ZBTB20: variants seen among roughly 807,000 people sequenced by gnomAD.
ZBTB20 encodes the protein zinc finger and BTB domain-containing protein 20.
In ZBTB20, 9 loss-of-function variants were observed where a neutral mutation model predicts 56.9. The observed-to-expected ratio is 0.16, with a 90% confidence interval of 0.10 to 0.28. The LOEUF is 0.28. Among genes scored for constraint, ZBTB20 ranks in the 10% least tolerant of loss-of-function variants. ZBTB20 has a pLI of 1.00. For missense variants in ZBTB20, 655 were observed against 1,003.0 expected, an observed-to-expected ratio of 0.65 and a Z score of 4.69; for synonymous variants, 417 against 420.7, an observed-to-expected ratio of 0.99 and a Z score of 0.11.
Position 114,353,496 on chromosome 3 carries a change from T to C in ZBTB20, c.200-1618A>G, listed in dbSNP as rs149671532. ...CGTTCTGACTCTATCAGGTCTGTTA[T>C]GTGCCTAAAATATTGTATTAGGCTA... On this transcript the variant is annotated intron_variant, in intron 10 of 11. Coordinates refer to ENST00000675478, the MANE Select transcript of ZBTB20 (RefSeq NM_001348800.3). Among the ~76,000 whole-genome samples the C allele has an allele frequency of 9.8e-4, 150 of 152,390 alleles. 1 individual carries two copies. Among genetic ancestry groups the C allele is most frequent in the East Asian group, 1.9e-3 (10 of 5,188 alleles).
At chr3:114,546,352 A>T (rs12495335) in intron 6 of ZBTB20, among the ~76,000 whole-genome samples, 2 of 151,982 alleles carry the variant, frequency 1.3e-5, no homozygotes, top group South Asian at 4.1e-4. Flanking sequence ...CTGGCCCACT[A>T]CCTCTGAAAA....
At chr3:114,395,748 T>C (rs1457053444) in intron 7 of ZBTB20, among the ~76,000 whole-genome samples, 1 of 152,090 alleles carries the variant, frequency 6.6e-6, no homozygotes, top group East Asian at 1.9e-4. Context: ...TTAATACCCA[T>C]GTCCATAAGA....
At chr3:114,942,781 T>C (rs1053368016) in intron 3 of ZBTB20, among the ~76,000 whole-genome samples, 1 of 145,856 alleles carries the variant, frequency 6.9e-6, no homozygotes, top group Non-Finnish European at 1.5e-5. Context: ...AGGCATTTGC[T>C]GTTTCCTAAG....
intron 5 of ZBTB20, among the ~76,000 whole-genome samples, chr3:114,757,317 C>A (rs2068078001): frequency 6.6e-6 from 1 of 152,104 alleles, no homozygotes; most frequent in South Asian, 2.1e-4. Flanking sequence ...TACCATACGT[C>A]AAAAAGGTGG....
chr3:114,958,356 T>C (rs2077320654), intron 3 of ZBTB20, among the ~76,000 whole-genome samples: 1 of 152,232 alleles, frequency 6.6e-6, no homozygotes, highest in South Asian at 2.1e-4. Context: ...CTCCATCTAC[T>C]ATCCTCATCC....
chr3:115,116,074 T>C (rs553700528), intron 1 of ZBTB20, among the ~76,000 whole-genome samples: 1 of 152,170 alleles, frequency 6.6e-6, no homozygotes, highest in Non-Finnish European at 1.5e-5. Flanking sequence ...TTTTCTATGC[T>C]TTTTTTCAGT....
At chr3:114,859,529 C>T (rs2075412096) in intron 4 of ZBTB20, among the ~76,000 whole-genome samples, 1 of 148,980 alleles carries the variant, frequency 6.7e-6, no homozygotes, top group African/African-American at 2.5e-5. Context: ...TTTTACTATT[C>T]ATCATGCTAA....
At chr3:114,495,510 G>C (rs570137046) in intron 7 of ZBTB20, among the ~76,000 whole-genome samples, 22 of 152,068 alleles carry the variant, frequency 1.4e-4, no homozygotes, top group Non-Finnish European at 2.1e-4. Flanking sequence ...TATGTAAATA[G>C]AACTTAAATC....
At chr3:114,518,445 G>A (rs571899252) in intron 6 of ZBTB20, 5 of 152,232 alleles carry the variant, frequency 3.3e-5, no homozygotes, top group South Asian at 4.2e-4. Context: ...AATCAAAGCC[G>A]TTTTGAGGTT....
chr3:114,535,318 G>A (rs947156643), intron 6 of ZBTB20, among the ~76,000 whole-genome samples: 1 of 152,088 alleles, frequency 6.6e-6, no homozygotes, highest in African/African-American at 2.4e-5. Context: ...TATCACCACT[G>A]ATCCCACAGA....
intron 6 of ZBTB20, among the ~76,000 whole-genome samples, chr3:114,579,761 C>T (rs1329261893): frequency 1.3e-5 from 2 of 151,200 alleles, no homozygotes; most frequent in Non-Finnish European, 3.0e-5. Context: ...AATTAAAAAT[C>T]ATAAGAATAT....
chr3:114,410,393 T>A (rs2108763601), intron 7 of ZBTB20, among the ~76,000 whole-genome samples: 1 of 151,618 alleles, frequency 6.6e-6, no homozygotes. Flanking sequence ...GGCTTAGGAG[T>A]TTTTGGAAGA....
intron 3 of ZBTB20, among the ~76,000 whole-genome samples, chr3:114,957,436 T>C (rs1345853240): frequency 6.6e-6 from 1 of 152,192 alleles, no homozygotes; most frequent in African/African-American, 2.4e-5. Context: ...GTTTTAATTA[T>C]ATGACTGCAT....
intron 10 of ZBTB20, among the ~76,000 whole-genome samples, chr3:114,377,376 T>A (rs1198796932): frequency 6.6e-6 from 1 of 152,214 alleles, no homozygotes; most frequent in East Asian, 1.9e-4. Flanking sequence ...ATATCTCAAC[T>A]ATATTTCTTC....
In ZBTB20 at chr3:114,380,264, G is replaced by C. The variant is rs1064796308; in HGVS notation, c.152C>G (p.Ser51Ter). 1.3e-6 allele frequency: 2 copies of C among 1,537,136 alleles called. No individual in the cohort carries two copies. The highest frequency in any genetic ancestry group is 1.7e-6 in the Non-Finnish European group (2 of 1,146,870). ...GTGAGAGTTTGTCAGTGAATGTGTT[G>C]AGTGGATGAGGGCTGGGTCTGGAGA... is the stretch of plus-strand genomic sequence containing the variant. ...VLSPDPALIH[S>*]THSLTNSHAH... The change falls in exon 10 of 12, where the codon TCA (serine) becomes TGA (stop). Residue 51 changes from serine to a stop codon, truncating the protein, a stop_gained. Transcript: ENST00000675478. LOFTEE classifies it high-confidence loss of function.
intron 11 of ZBTB20, among the ~76,000 whole-genome samples, chr3:114,342,407 G>T (rs1388653997): frequency 6.6e-6 from 1 of 152,158 alleles, no homozygotes; most frequent in Non-Finnish European, 1.5e-5. Context: ...GTCAGAAGGG[G>T]ACACAAAGTA....
At chr3:114,502,770 T>TTCCC (rs748035106) in intron 6 of ZBTB20, 13 of 151,714 alleles carry the variant, frequency 8.6e-5, no homozygotes, top group African/African-American at 2.2e-4. Flanking sequence ...CCTTTCTTCC[T>TTCCC]TCCCTCCCTC....
At chr3:114,819,087 G>A (rs1277608365) in intron 4 of ZBTB20, among the ~76,000 whole-genome samples, 3 of 151,894 alleles carry the variant, frequency 2.0e-5, no homozygotes, top group African/African-American at 7.2e-5. Flanking sequence ...TTATAAATAG[G>A]AAGTGGCTTT....
At chr3:114,506,135 T>C (rs1241066445) in intron 6 of ZBTB20, among the ~76,000 whole-genome samples, 1 of 152,094 alleles carries the variant, frequency 6.6e-6, no homozygotes, top group Non-Finnish European at 1.5e-5. Flanking sequence ...CATACATATC[T>C]TGGGGTCTGC....
Sources: gnomAD v4.1 joint callset for allele counts (sites outside exome capture counted in the v4.1 genomes callset) on GRCh38, gnomAD v4.1.1 for gene constraint, MANE v1.5 for transcripts, NCBI Gene and HGNC (gene_info 2026-07-23, HGNC 2026-07-21) for gene names.